Variants in TTC28 observed in about 807,000 individuals in gnomAD.
The protein encoded by TTC28 is tetratricopeptide repeat protein 28.
TTC28 carries 61 observed loss-of-function variants against 198.0 expected under a neutral mutation model. That is an observed-to-expected ratio of 0.31 (90% confidence interval 0.25 to 0.38). The LOEUF (loss-of-function observed/expected upper bound fraction) is 0.38. TTC28 is among the 10% of genes least tolerant of loss of function. The pLI is 1.00. For synonymous variants in TTC28, 1,171 were observed against 1,297.8 expected, an observed-to-expected ratio of 0.90 and a Z score of 2.10; for missense variants, 2,678 against 3,164.0, an observed-to-expected ratio of 0.85 and a Z score of 3.69.
chr22:28,607,016 T>C (rs2050746498), intron 2 of TTC28, among the ~76,000 whole-genome samples: 1 of 152,174 alleles, frequency 6.6e-6, no homozygotes, highest in Non-Finnish European at 1.5e-5. Flanking sequence ...CTGAAGCAGC[T>C]CATAAGACCC....
intron 13 of TTC28, among the ~76,000 whole-genome samples, chr22:28,024,513 G>T (rs979255892): frequency 6.6e-6 from 1 of 152,202 alleles, no homozygotes; most frequent in East Asian, 1.9e-4. Flanking sequence ...GAACTCCTGT[G>T]ACTCCTGTCA....
intron 2 of TTC28, among the ~76,000 whole-genome samples, chr22:28,513,074 T>C (rs2048715696): frequency 6.7e-6 from 1 of 148,924 alleles, no homozygotes; most frequent in South Asian, 2.2e-4. Flanking sequence ...CAAAAGCTCC[T>C]GGATCAGGCG....
Position 28,108,069 on chromosome 22 carries a change from G to A in TTC28, c.1776C>T (p.Ser592=), listed in dbSNP as rs1304609072. 5 of 1,551,600 alleles carry A rather than the reference G, an allele frequency of 3.2e-6. No individual in the cohort carries two copies. Among genetic ancestry groups the A allele is most frequent in the Middle Eastern group, 1.7e-4 (1 of 5,992 alleles). The change falls in exon 7 of 23, where the codon AGC becomes AGT. Residue 592 remains serine, a synonymous_variant. Coordinates refer to ENST00000397906, the MANE Select transcript of TTC28 (RefSeq NM_001145418.2). ...NIARELRDIQ[S]EARALSNLGN... ...CCAGGTTGCTGAGGGCCCGGGCCTC[G>A]CTCTGGATGTCTCGTAGCTCCCGGG...
At chr22:28,440,773 T>C (rs561582292) in intron 2 of TTC28, among the ~76,000 whole-genome samples, 29 of 152,322 alleles carry the variant, frequency 1.9e-4, no homozygotes, top group Non-Finnish European at 2.8e-4. Flanking sequence ...TCTGATCATG[T>C]GAGTATTCTG....
At chr22:28,147,445 G>A (rs1050083046) in intron 6 of TTC28, among the ~76,000 whole-genome samples, 1 of 152,188 alleles carries the variant, frequency 6.6e-6, no homozygotes, top group Non-Finnish European at 1.5e-5. Flanking sequence ...TGTGGGTAAA[G>A]AGAAATGCTC....
intron 14 of TTC28, among the ~76,000 whole-genome samples, chr22:28,009,020 T>G (rs1938032132): frequency 6.6e-6 from 1 of 152,236 alleles, no homozygotes; most frequent in Non-Finnish European, 1.5e-5. Context: ...GTCCCTTTCA[T>G]GCTAAACACT....
In TTC28 at chr22:28,108,241, T is replaced by C; in HGVS notation, c.1604A>G (p.Lys535Arg). 4 of 1,551,064 alleles carry C rather than the reference T, an allele frequency of 2.6e-6. No homozygotes were observed. The African/African-American group carries it at 4.1e-5, about 16-fold the overall frequency. Residue 535 changes from lysine (K) to arginine (R), a missense_variant, in exon 7 of 23, where the codon AAA becomes AGA. Around this residue, in one of 8 missense-constraint regions of TTC28, gnomAD observed 775 missense variants for 845.9 expected, o/e 0.92. Transcript: ENST00000397906. ...NALGMYDQAVKYHRQELQISM... is the reference protein window; with the variant it reads ...NALGMYDQAVRYHRQELQISM... ...GATCTGCAGCTCCTGCCGATGGTAT[T>C]TGACCGCCTGGTCGTACATGCCCAG...
At chr22:28,595,711 G>T (rs536468583) in intron 2 of TTC28, among the ~76,000 whole-genome samples, 1 of 152,320 alleles carries the variant, frequency 6.6e-6, no homozygotes, top group South Asian at 2.1e-4. Context: ...GGCTCATGAG[G>T]TCAAGAGATC....
At chr22:28,147,638 T>G (rs1943499987) in intron 6 of TTC28, among the ~76,000 whole-genome samples, 1 of 152,232 alleles carries the variant, frequency 6.6e-6, no homozygotes, top group South Asian at 2.1e-4. Flanking sequence ...ATGAGATCTT[T>G]GACAAGTTAA....
At chr22:28,323,340 A>G (rs528747248) in intron 2 of TTC28, among the ~76,000 whole-genome samples, 1 of 152,244 alleles carries the variant, frequency 6.6e-6, no homozygotes, top group African/African-American at 2.4e-5. Context: ...TCAAAATATT[A>G]TAGCTGTTTC....
intron 8 of TTC28, among the ~76,000 whole-genome samples, chr22:28,103,441 C>T (rs952562037): frequency 1.3e-5 from 2 of 152,158 alleles, no homozygotes; most frequent in African/African-American, 4.8e-5. Context: ...ATCTACAAGG[C>T]CCCACAGCCT....
At chr22:28,625,503 C>G (rs2051064827) in intron 2 of TTC28, among the ~76,000 whole-genome samples, 1 of 152,074 alleles carries the variant, frequency 6.6e-6, no homozygotes, top group African/African-American at 2.4e-5. Flanking sequence ...CATGCAAGAT[C>G]TGAACACTGA....
At chr22:28,130,795 G>A (rs1295150688) in intron 6 of TTC28, among the ~76,000 whole-genome samples, 1 of 152,092 alleles carries the variant, frequency 6.6e-6, no homozygotes. Context: ...TGTTTTCTGG[G>A]TTTTTTGTTT....
chr22:28,147,903 A>G (rs1218900287), intron 6 of TTC28, among the ~76,000 whole-genome samples: 1 of 152,214 alleles, frequency 6.6e-6, no homozygotes, highest in Non-Finnish European at 1.5e-5. Flanking sequence ...ATATCTAGAA[A>G]AGTGGAACTG....
chr22:28,080,467 G>T (rs1199229440), intron 12 of TTC28, among the ~76,000 whole-genome samples: 1 of 152,092 alleles, frequency 6.6e-6, no homozygotes, highest in Admixed American at 6.5e-5. Context: ...TATGCTTGTT[G>T]CTCATTTGTT....
chr22:28,264,931 G>A (rs1279435377), intron 5 of TTC28, among the ~76,000 whole-genome samples: 1 of 152,022 alleles, frequency 6.6e-6, no homozygotes, highest in East Asian at 1.9e-4. Flanking sequence ...TCGAATATTA[G>A]GCTGAACTAT....
intron 1 of TTC28, among the ~76,000 whole-genome samples, chr22:28,650,018 C>G (rs1226874318): frequency 6.6e-6 from 1 of 152,062 alleles, no homozygotes; most frequent in Admixed American, 6.6e-5. Flanking sequence ...CTAAAGGACC[C>G]TGTTCCTATT....
At chr22:28,407,348 C>T (rs1304591614) in intron 2 of TTC28, among the ~76,000 whole-genome samples, 1 of 152,076 alleles carries the variant, frequency 6.6e-6, no homozygotes, top group East Asian at 1.9e-4. Flanking sequence ...TTGTGTCTGA[C>T]GTTTCTCCAA....
chr22:28,362,040 G>T (rs1360824572), intron 2 of TTC28, among the ~76,000 whole-genome samples: 3 of 152,184 alleles, frequency 2.0e-5, no homozygotes, highest in Admixed American at 2.0e-4. Context: ...TGTACAAGGA[G>T]ACTGATTAAT....
Sources: gnomAD v4.1 joint callset for allele counts (sites outside exome capture counted in the v4.1 genomes callset) on GRCh38, gnomAD v4.1.1 for gene constraint, gnomAD v4.1.1 regional missense constraint, MANE v1.5 for transcripts, NCBI Gene and HGNC (gene_info 2026-07-23, HGNC 2026-07-21) for gene names.